Variants in NAV2 observed in about 807,000 individuals in gnomAD.
NAV2 encodes the protein neuron navigator 2.
Under a neutral mutation model 223.2 loss-of-function variants are expected in NAV2, and 54 were observed. That is an observed-to-expected ratio of 0.24 (90% CI 0.19 to 0.30). The LOEUF (loss-of-function observed/expected upper bound fraction) is 0.30, where lower values mean the gene tolerates loss of function less well. Ranked by LOEUF, NAV2 falls within the 10% of genes least tolerant of loss-of-function variation. NAV2 has a pLI of 1.00. For missense variants in NAV2, 2,806 were observed against 3,147.5 expected (o/e 0.89, Z 2.60); for synonymous variants, 1,279 against 1,239.3 (o/e 1.03, Z -0.67).
At chr11:19,633,885 C>T (rs756694565) in intron 1 of NAV2, among the ~76,000 whole-genome samples, 6 of 152,352 alleles carry the variant, frequency 3.9e-5, no homozygotes, top group South Asian at 4.1e-4. Flanking sequence ...AGTCACTTAA[C>T]TTCTCTGAGC....
chr11:19,386,494 C>A (rs1849047023), intron 1 of NAV2, among the ~76,000 whole-genome samples: 1 of 152,154 alleles, frequency 6.6e-6, no homozygotes, highest in African/African-American at 2.4e-5. Context: ...GAATCTGAAT[C>A]TCAGTGGAGG....
At chr11:20,101,313 G>C in intron 32 of NAV2, 141 bp downstream of exon 32, 1 of 654,944 alleles carries the variant, frequency 1.5e-6, no homozygotes, top group Non-Finnish European at 2.6e-6. Flanking sequence ...AGGTCCAGAG[G>C]GGGCTAGCAG....
Position 20,045,065 on chromosome 11 carries a change from T to C in NAV2, c.3297T>C (p.Gly1099=), listed in dbSNP as rs766703301. ...RSPSDAGRSS[G]DESKKPLPSS... ...CATCAGATGCAGGCCGGAGCAGTGG[T>C]GACGAATCCAAAAAGCCCCTCCCCA... The change falls in exon 14 of 38, where the codon GGT becomes GGC. Residue 1099 remains glycine (G), a synonymous_variant. Transcript: ENST00000349880. 7.4e-6 allele frequency: 12 copies of C among 1,613,970 alleles called. No individual in the cohort carries two copies. The highest frequency in any genetic ancestry group is 1.0e-5 in the Non-Finnish European group (12 of 1,180,012).
At chr11:20,077,732 T>G (rs1592020306) in intron 23 of NAV2, 97 bp downstream of exon 23, 10 of 1,027,696 alleles carry the variant, frequency 9.7e-6, no homozygotes, top group Non-Finnish European at 1.5e-5. Context: ...TGGATGTTAA[T>G]GTATTTCTTG....
At chr11:20,101,459 T>G (rs1165898993) in intron 32 of NAV2, among the ~76,000 whole-genome samples, 1 of 152,158 alleles carries the variant, frequency 6.6e-6, no homozygotes, top group Non-Finnish European at 1.5e-5. Flanking sequence ...GTGTTACTGA[T>G]TTTCCAAAGT....
At chr11:19,442,401 CATAAGG>C (rs1851437269) in intron 1 of NAV2, among the ~76,000 whole-genome samples, 1 of 152,236 alleles carries the variant, frequency 6.6e-6, no homozygotes, top group Admixed American at 6.5e-5. Flanking sequence ...CTGGCTGATA[CATAAGG>C]ATAATTACGT....
chr11:19,603,883 G>A (rs1437080912), intron 1 of NAV2, among the ~76,000 whole-genome samples: 1 of 152,176 alleles, frequency 6.6e-6, no homozygotes, highest in Non-Finnish European at 1.5e-5. Context: ...CATTTGAGTA[G>A]AGCCTGAAGG....
At chr11:19,407,848 C>T (rs571992756) in intron 1 of NAV2, among the ~76,000 whole-genome samples, 5 of 152,220 alleles carry the variant, frequency 3.3e-5, no homozygotes, top group Admixed American at 1.3e-4. Flanking sequence ...CATGATAATG[C>T]GTGTTGTCCT....
chr11:19,372,168 G>C (rs768853315), intron 1 of NAV2, among the ~76,000 whole-genome samples: 1 of 152,134 alleles, frequency 6.6e-6, no homozygotes. Context: ...GCTACTAAAG[G>C]CATCATGTTT....
chr11:19,952,574 CTT>C (rs1250891807), intron 10 of NAV2, among the ~76,000 whole-genome samples: 1 of 152,186 alleles, frequency 6.6e-6, no homozygotes, highest in African/African-American at 2.4e-5. Context: ...TACAGAGGCT[CTT>C]TGAGGAAAGT....
intron 1 of NAV2, among the ~76,000 whole-genome samples, chr11:19,528,519 G>A (rs373923851): frequency 3.9e-5 from 6 of 152,178 alleles, no homozygotes; most frequent in African/African-American, 7.2e-5. Context: ...GATGGACTCC[G>A]GCAGGTGGGC....
intron 1 of NAV2, among the ~76,000 whole-genome samples, chr11:19,396,454 G>A (rs1282993175): frequency 6.6e-6 from 1 of 152,188 alleles, no homozygotes; most frequent in Non-Finnish European, 1.5e-5. Flanking sequence ...CATTTTCTGT[G>A]AAGAGGTACC....
chr11:19,926,159 C>G (rs1345222235), intron 6 of NAV2, among the ~76,000 whole-genome samples: 1 of 152,162 alleles, frequency 6.6e-6, no homozygotes, highest in Non-Finnish European at 1.5e-5. Context: ...AACCAAACAA[C>G]TTTTAAAAAA....
chr11:19,857,487 C>T (rs551931784), intron 3 of NAV2, among the ~76,000 whole-genome samples: 5 of 152,312 alleles, frequency 3.3e-5, no homozygotes, highest in South Asian at 2.1e-4. Context: ...TGTCTGCCTG[C>T]GTTTTCTGCC....
intron 36 of NAV2, among the ~76,000 whole-genome samples, chr11:20,111,599 A>C (rs1565103586): frequency 6.6e-6 from 1 of 152,212 alleles, no homozygotes; most frequent in Non-Finnish European, 1.5e-5. Context: ...CATTGGAAAC[A>C]CTTGCCAAAG....
At chr11:19,363,493 G>A (rs1854081117) in intron 1 of NAV2, among the ~76,000 whole-genome samples, 1 of 152,182 alleles carries the variant, frequency 6.6e-6, no homozygotes, top group Non-Finnish European at 1.5e-5. Flanking sequence ...AATACGTGAT[G>A]AAACTGAAAT....
intron 1 of NAV2, among the ~76,000 whole-genome samples, chr11:19,362,975 A>T (rs770266571): frequency 7.2e-5 from 11 of 152,200 alleles, no homozygotes; most frequent in Non-Finnish European, 1.6e-4. Context: ...CAACAATCTG[A>T]TGATGAAGGG....
rs746576032 is a variant in NAV2, at chr11:19,948,773, C to T, written c.2338C>T (p.Pro780Ser). Residue 780 changes from proline to serine, a missense_variant, in exon 10 of 38, where the codon CCT becomes TCT. Coordinates refer to ENST00000349880, the MANE Select transcript of NAV2 (RefSeq NM_145117.5). ...ACTCAGCTTGACAGGGAGGCCCACACCTCTGTCCTGGAGACTGGGCCAGTC... is the reference window on the plus strand; with the variant it reads ...ACTCAGCTTGACAGGGAGGCCCACATCTCTGTCCTGGAGACTGGGCCAGTC... ...SILSLTGRPT[P>S]LSWRLGQSSP... 1 of 1,613,924 alleles carries T rather than the reference C, an allele frequency of 6.2e-7. No individual in the cohort carries two copies. The highest frequency in any genetic ancestry group is 8.5e-7 in the Non-Finnish European group (1 of 1,179,934).
intron 1 of NAV2, among the ~76,000 whole-genome samples, chr11:19,396,181 G>A (rs1849440056): frequency 6.6e-6 from 1 of 152,280 alleles, no homozygotes; most frequent in African/African-American, 2.4e-5. Flanking sequence ...GAGGAGAGAG[G>A]ATGTCTTTAA....
Sources: allele counts gnomAD v4.1 joint callset (sites outside exome capture counted in the v4.1 genomes callset), GRCh38; gene constraint gnomAD v4.1.1; transcripts MANE v1.5; gene names NCBI Gene and HGNC (gene_info 2026-07-23, HGNC 2026-07-21).